Variants in PLCL1 observed in about 807,000 individuals in gnomAD.
The protein encoded by PLCL1 is inactive phospholipase C-like protein 1.
A neutral mutation model predicts 84.4 loss-of-function variants in PLCL1; 41 were observed. The ratio of observed to expected loss-of-function variants is 0.49; its 90% CI spans 0.38 to 0.63. The LOEUF is 0.63. Among genes scored for constraint, PLCL1 ranks in the 30% least tolerant of loss-of-function variants. PLCL1 has a pLI of 0.00. For synonymous variants in PLCL1, 490 were observed against 488.3 expected (o/e 1.00, Z -0.05); for missense variants, 1,206 against 1,367.8 (o/e 0.88, Z 1.87).
At chr2:197,830,217 C>A (rs1249998271) in intron 1 of PLCL1, among the ~76,000 whole-genome samples, 1 of 151,888 alleles carries the variant, frequency 6.6e-6, no homozygotes. Flanking sequence ...TAATAACAAA[C>A]TCCTTCAAGC....
chr2:197,999,174 T>C (rs1690539037), intron 1 of PLCL1, among the ~76,000 whole-genome samples: 1 of 152,020 alleles, frequency 6.6e-6, no homozygotes, highest in Admixed American at 6.5e-5. Flanking sequence ...TCCCTAAAGG[T>C]CAGCTTCTCA....
At chr2:197,810,400 T>C in intron 1 of PLCL1, 1 of 549,806 alleles carries the variant, frequency 1.8e-6, no homozygotes, top group Non-Finnish European at 3.0e-6. Context: ...TATCAGAATT[T>C]ACAAAGTTTG....
chr2:198,100,814 G>A (rs546028965), intron 3 of PLCL1, among the ~76,000 whole-genome samples: 6 of 151,864 alleles, frequency 4.0e-5, no homozygotes, highest in African/African-American at 7.3e-5. Flanking sequence ...GGAGTGGGGT[G>A]GGGGAGAGAC....
At chr2:198,043,883 T>C (rs978151803) in intron 1 of PLCL1, among the ~76,000 whole-genome samples, 4 of 143,964 alleles carry the variant, frequency 2.8e-5, no homozygotes, top group African/African-American at 1.0e-4. Flanking sequence ...TTCTTGTTCT[T>C]TTTTTTTTTT....
chr2:198,033,987 A>G (rs922034208), intron 1 of PLCL1, among the ~76,000 whole-genome samples: 7 of 151,876 alleles, frequency 4.6e-5, no homozygotes, highest in African/African-American at 1.5e-4. Flanking sequence ...TTTGATTTTT[A>G]TTAGCTTTTT....
Position 198,142,971 on chromosome 2 carries a change from T to C in PLCL1, c.3106-3809T>C, listed in dbSNP as rs115120157. Among the ~76,000 whole-genome samples the C allele has an allele frequency of 3.1e-3, 469 of 152,244 alleles. 3 individuals carry two copies. The highest frequency in any genetic ancestry group is 4.7e-3 in the Non-Finnish European group (320 of 68,002). On this transcript the variant is annotated intron_variant, in intron 5 of 5. Transcript: ENST00000428675. ...TGCCATAACAATCCTAAACTTATTT[T>C]AGTATACAAGAGGTGTTTCCATTTC...
intron 1 of PLCL1, among the ~76,000 whole-genome samples, chr2:197,840,364 C>T (rs953050307): frequency 1.3e-5 from 2 of 152,002 alleles, no homozygotes; most frequent in East Asian, 1.9e-4. Flanking sequence ...GCATGCCTCT[C>T]GGTGAGAAAA....
In PLCL1 at chr2:197,963,737, T is replaced by TA. The variant is rs1689669629; in HGVS notation, c.241-120019dup. Among the ~76,000 whole-genome samples, 8 of 152,294 alleles carry TA rather than the reference T, an allele frequency of 5.3e-5. No homozygotes were observed. In the South Asian group the frequency reaches 1.7e-3, roughly 32 times the overall value. On this transcript the variant is annotated intron_variant, in intron 1 of 5. Coordinates refer to ENST00000428675, the MANE Select transcript of PLCL1 (RefSeq NM_006226.4). ...GTTTGAGGTCTTAGATTTAAGTCTTTAATTCATTTTGATTTGATTTTTGTA... is the reference window on the plus strand; with the variant it reads ...GTTTGAGGTCTTAGATTTAAGTCTTTAAATTCATTTTGATTTGATTTTTGTA...
intron 1 of PLCL1, among the ~76,000 whole-genome samples, chr2:198,051,468 T>C (rs991519659): frequency 2.6e-5 from 4 of 152,204 alleles, no homozygotes; most frequent in Non-Finnish European, 5.9e-5. Context: ...ATTAGACATA[T>C]AATTTTCTAC....
intron 1 of PLCL1, chr2:197,810,215 A>T (rs1690556007): frequency 1.3e-6 from 1 of 779,940 alleles, no homozygotes; most frequent in East Asian, 7.1e-5. Flanking sequence ...TCAAATTGCC[A>T]TAGTAACATG....
At chr2:197,936,895 T>C (rs1255938306) in intron 1 of PLCL1, among the ~76,000 whole-genome samples, 2 of 152,182 alleles carry the variant, frequency 1.3e-5, no homozygotes, top group African/African-American at 4.8e-5. Flanking sequence ...TGTTTTCTGC[T>C]AGTAGTTTTA....
At chr2:197,884,811 C>G (rs572236501) in intron 1 of PLCL1, among the ~76,000 whole-genome samples, 1 of 152,238 alleles carries the variant, frequency 6.6e-6, no homozygotes, top group South Asian at 2.1e-4. Flanking sequence ...TCAGTTACCT[C>G]CTGATTAATT....
Position 198,081,902 on chromosome 2 carries a change from G to T in PLCL1, c.241-1856G>T, listed in dbSNP as rs529471035. On this transcript the variant is annotated intron_variant, in intron 1 of 5. Transcript: ENST00000428675. ...TTAAAATATTTCCAATGAAGGATAT[G>T]GTCCAGACTACTTTGGTTATACTTT... Among the ~76,000 whole-genome samples the T allele has an allele frequency of 5.9e-5, 9 of 152,158 alleles. 1 individual carries two copies. In the South Asian group the frequency reaches 1.2e-3, roughly 21 times the overall value.
intron 1 of PLCL1, among the ~76,000 whole-genome samples, chr2:197,818,073 T>G (rs1690728553): frequency 6.6e-6 from 1 of 152,086 alleles, no homozygotes; most frequent in Non-Finnish European, 1.5e-5. Context: ...GTAAGCTTTG[T>G]CTACTTGGCT....
intron 1 of PLCL1, among the ~76,000 whole-genome samples, chr2:197,912,825 T>G: frequency 8.4e-6 from 1 of 119,416 alleles, no homozygotes; most frequent in African/African-American, 3.2e-5. Context: ...GGGGGAGGGA[T>G]AGCATTGGGA....
At chr2:198,077,455 G>A (rs930324311) in intron 1 of PLCL1, among the ~76,000 whole-genome samples, 9 of 152,022 alleles carry the variant, frequency 5.9e-5, no homozygotes, top group African/African-American at 9.7e-5. Context: ...TTTCCAACAC[G>A]CTTTCCTTTT....
chr2:198,069,116 A>G (rs1417182756), intron 1 of PLCL1, among the ~76,000 whole-genome samples: 1 of 151,914 alleles, frequency 6.6e-6, no homozygotes, highest in East Asian at 1.9e-4. Context: ...ATTTCATAAG[A>G]TTTTGTAAAC....
rs150197676 is a variant in PLCL1 at position 197,951,453 on chromosome 2, C to T, written c.241-132305C>T. ...TGGCTCTTCCCCTGAAATTTTCAAG[C>T]GTATTAGAAAAGAGTCAGTTCCTTT... On this transcript the variant is annotated intron_variant, in intron 1 of 5. Transcript: ENST00000428675. 2.4e-3 allele frequency among the ~76,000 whole-genome samples: 367 copies of T among 152,080 alleles called. 5 individuals are homozygous for T. The highest frequency in any genetic ancestry group is 8.3e-3 in the African/African-American group (344 of 41,506).
intron 1 of PLCL1, among the ~76,000 whole-genome samples, chr2:197,920,111 C>G (rs2105753883): frequency 6.6e-6 from 1 of 152,164 alleles, no homozygotes. Flanking sequence ...ATCCATTGGT[C>G]TTTTTGACTC....
Sources: gnomAD v4.1 joint callset for allele counts (sites outside exome capture counted in the v4.1 genomes callset) on GRCh38, gnomAD v4.1.1 for gene constraint, MANE v1.5 for transcripts, NCBI Gene and HGNC (gene_info 2026-07-23, HGNC 2026-07-21) for gene names.